Variants in SOX5 observed in about 807,000 individuals in gnomAD.
SOX5 encodes the protein SRY-box transcription factor 5, also known as transcription factor SOX-5.
A neutral mutation model predicts 92.0 loss-of-function variants in SOX5; 9 were observed. That is an observed-to-expected ratio of 0.10 (90% CI 0.06 to 0.17). The LOEUF is 0.17. Among genes scored for constraint, SOX5 ranks in the 10% least tolerant of loss-of-function variants. SOX5 has a pLI of 1.00. For missense variants in SOX5, 642 were observed against 944.5 expected (o/e 0.68, Z 4.20); for synonymous variants, 344 against 336.3 (o/e 1.02, Z -0.25).
chr12:24,435,839 C>T (rs189744156), intron 1 of SOX5, among the ~76,000 whole-genome samples: 7 of 152,206 alleles, frequency 4.6e-5, no homozygotes, highest in Admixed American at 4.6e-4. Flanking sequence ...ACAATTTTCC[C>T]AACAACATAT....
At chr12:24,412,917 G>T (rs1394342354) in intron 1 of SOX5, among the ~76,000 whole-genome samples, 1 of 151,174 alleles carries the variant, frequency 6.6e-6, no homozygotes, top group African/African-American at 2.4e-5. Context: ...CACCACGCCC[G>T]GCTAATTTTT....
rs952758813 is a variant in SOX5 at position 24,545,187 on chromosome 12, G to A, written c.-251+17142C>T. On this transcript the variant is annotated intron_variant, in intron 1 of 4. Transcript: ENST00000446891. ...CCCCATCACCACCACCATATGTGTAGGTCCAACAAGCTGTCCTACCTCCAG... is the reference window on the plus strand; with the variant it reads ...CCCCATCACCACCACCATATGTGTAAGTCCAACAAGCTGTCCTACCTCCAG... Among the ~76,000 whole-genome samples, 8 of 152,202 alleles carry A rather than the reference G, an allele frequency of 5.3e-5. 1 individual carries two copies. In the South Asian group the frequency reaches 1.7e-3, roughly 32 times the overall value.
At chr12:24,511,169 T>C (rs1949269259) in intron 1 of SOX5, among the ~76,000 whole-genome samples, 1 of 152,230 alleles carries the variant, frequency 6.6e-6, no homozygotes, top group Non-Finnish European at 1.5e-5. Context: ...CTTTCTCCTT[T>C]AGACCCCTCT....
intron 4 of SOX5, among the ~76,000 whole-genome samples, chr12:23,995,661 G>A (rs548241951): frequency 6.6e-6 from 1 of 152,162 alleles, no homozygotes; most frequent in Admixed American, 6.6e-5. Context: ...TCATGCCACT[G>A]CATCCCAGCC....
chr12:23,637,551 G>A (rs911543657), intron 8 of SOX5, among the ~76,000 whole-genome samples: 1 of 152,002 alleles, frequency 6.6e-6, no homozygotes, highest in Admixed American at 6.5e-5. Flanking sequence ...CAATATATAT[G>A]AGCTGATGTC....
At chr12:24,457,350 G>C (rs1030661816) in intron 1 of SOX5, among the ~76,000 whole-genome samples, 1 of 151,986 alleles carries the variant, frequency 6.6e-6, no homozygotes, top group Non-Finnish European at 1.5e-5. Flanking sequence ...AAATATATAC[G>C]TCTGTGAATC....
At chr12:23,760,986 G>A (rs2094548298) in intron 3 of SOX5, among the ~76,000 whole-genome samples, 3 of 152,084 alleles carry the variant, frequency 2.0e-5, no homozygotes, top group South Asian at 4.1e-4. Context: ...AGTCACAGGA[G>A]TTAGGTTATA....
intron 3 of SOX5, among the ~76,000 whole-genome samples, chr12:23,827,066 G>T (rs932794404): frequency 2.0e-5 from 3 of 152,124 alleles, no homozygotes; most frequent in African/African-American, 7.2e-5. Flanking sequence ...TTAATGTGTG[G>T]GGAGGAGACA....
intron 4 of SOX5, among the ~76,000 whole-genome samples, chr12:24,165,262 T>C (rs1012795153): frequency 6.6e-6 from 1 of 152,140 alleles, no homozygotes; most frequent in African/African-American, 2.4e-5. Context: ...GCCTAGTATG[T>C]ATAAAGCATG....
chr12:24,496,434 C>T (rs2138056019), intron 1 of SOX5, among the ~76,000 whole-genome samples: 1 of 152,258 alleles, frequency 6.6e-6, no homozygotes, highest in South Asian at 2.1e-4. Flanking sequence ...TCTTCCTTAG[C>T]ATCCCCAAAT....
chr12:23,918,952 C>T (rs771991349), intron 1 of SOX5, among the ~76,000 whole-genome samples: 24 of 151,426 alleles, frequency 1.6e-4, no homozygotes, highest in Admixed American at 1.1e-3. Context: ...AGAAAAATGG[C>T]CCCCAATTCT....
intron 9 of SOX5, among the ~76,000 whole-genome samples, chr12:23,589,188 AT>A (rs540136752): frequency 3.1e-4 from 47 of 149,576 alleles, no homozygotes; most frequent in East Asian, 1.6e-3. Flanking sequence ...TTTTGAGATA[AT>A]TTTTTTTTTG....
chr12:23,563,176 A>T (rs1395283846), intron 11 of SOX5, 82 bp downstream of exon 11: 3 of 1,143,194 alleles, frequency 2.6e-6, no homozygotes, highest in Middle Eastern at 5.7e-4. Flanking sequence ...GATGATAAGA[A>T]GATGGAAATA....
intron 2 of SOX5, among the ~76,000 whole-genome samples, chr12:23,853,783 G>A (rs1474671037): frequency 6.6e-6 from 1 of 151,950 alleles, no homozygotes; most frequent in African/African-American, 2.4e-5. Flanking sequence ...TATCTTCCTG[G>A]GGATGATATG....
At chr12:24,482,975 T>C (rs746771542) in intron 1 of SOX5, among the ~76,000 whole-genome samples, 2 of 152,166 alleles carry the variant, frequency 1.3e-5, no homozygotes, top group Admixed American at 6.6e-5. Flanking sequence ...AATATAAACA[T>C]ATGTGTAAAA....
chr12:23,806,854 G>T (rs1233881333), intron 3 of SOX5, among the ~76,000 whole-genome samples: 1 of 152,156 alleles, frequency 6.6e-6, no homozygotes, highest in Non-Finnish European at 1.5e-5. Flanking sequence ...GGCAGGATCA[G>T]CATCTTTGGG....
chr12:24,095,090 A>AACACACACACACACACACAC (rs150030739), intron 4 of SOX5, among the ~76,000 whole-genome samples: 5 of 131,622 alleles, frequency 3.8e-5, no homozygotes, highest in African/African-American at 1.2e-4. Flanking sequence ...CTAGCCCCGA[A>AACACACACACACACACACAC]ACACACACAC....
intron 6 of SOX5, among the ~76,000 whole-genome samples, chr12:23,685,506 G>T (rs1215459136): frequency 6.6e-6 from 1 of 152,016 alleles, no homozygotes; most frequent in Non-Finnish European, 1.5e-5. Context: ...TAAAAATAAT[G>T]TAGTGAAATA....
At chr12:24,453,527 T>C (rs1340390212) in intron 1 of SOX5, among the ~76,000 whole-genome samples, 1 of 152,232 alleles carries the variant, frequency 6.6e-6, no homozygotes, top group Admixed American at 6.5e-5. Flanking sequence ...TAATATCTTA[T>C]AGACCAGGAG....
Sources: allele counts gnomAD v4.1 joint callset (sites outside exome capture counted in the v4.1 genomes callset), GRCh38; gene constraint gnomAD v4.1.1; transcripts MANE v1.5; gene names NCBI Gene and HGNC (gene_info 2026-07-23, HGNC 2026-07-21).